Variants in TRRAP observed in about 807,000 individuals in gnomAD.
TRRAP encodes transformation/transcription domain associated protein, also known as transformation/transcription domain-associated protein.
Under a neutral mutation model 438.8 loss-of-function variants are expected in TRRAP, and 41 were observed. The ratio of observed to expected loss-of-function variants is 0.09; its 90% CI spans 0.07 to 0.12. The LOEUF (loss-of-function observed/expected upper bound fraction) is 0.12, where lower values mean the gene tolerates loss of function less well. TRRAP is among the 10% of genes least tolerant of loss of function. TRRAP has a pLI of 1.00. For missense variants in TRRAP, 3,122 were observed against 5,055.1 expected (o/e 0.62, Z 11.60); for synonymous variants, 1,994 against 1,962.9 (o/e 1.02, Z -0.42).
At chr7:98,943,653 G>A (rs1038126334) in intron 31 of TRRAP, among the ~76,000 whole-genome samples, 3 of 152,214 alleles carry the variant, frequency 2.0e-5, no homozygotes, top group South Asian at 2.1e-4. Context: ...GGTCATTAAA[G>A]ACTTTGTCTC....
chr7:98,952,619 G>C (rs1318080704), intron 39 of TRRAP, among the ~76,000 whole-genome samples: 1 of 152,182 alleles, frequency 6.6e-6, no homozygotes, highest in African/African-American at 2.4e-5. Context: ...GATGTGTCCG[G>C]GAGAGACATT....
intron 40 of TRRAP, among the ~76,000 whole-genome samples, chr7:98,954,125 G>T (rs181072214): frequency 2.0e-5 from 3 of 152,126 alleles, no homozygotes; most frequent in African/African-American, 7.2e-5. Context: ...GGTATTGAGC[G>T]CCTCTTCCTG....
chr7:98,958,447 G>A (rs1483474505), intron 44 of TRRAP, among the ~76,000 whole-genome samples: 4 of 152,002 alleles, frequency 2.6e-5, no homozygotes, highest in African/African-American at 4.8e-5. Context: ...TTACAGGCGC[G>A]TGCCACCACA....
chr7:98,949,965 A>G, intron 37 of TRRAP, 99 bp from the exon 38 acceptor site: 3 of 1,573,458 alleles, frequency 1.9e-6, no homozygotes, highest in Non-Finnish European at 2.6e-6. Flanking sequence ...GGTTGTGGAG[A>G]ATGGGCTGTG....
intron 69 of TRRAP, 30 bp from the exon 70 acceptor site, chr7:99,008,347 C>G (rs1450716030): frequency 1.2e-6 from 2 of 1,607,474 alleles, no homozygotes; most frequent in Non-Finnish European, 1.7e-6. Flanking sequence ...TCACCCTCAG[C>G]CTGCCCCGTT....
At chr7:98,886,337 GATAGATATAGATAT>G (rs1554403958) in intron 3 of TRRAP, among the ~76,000 whole-genome samples, 1 of 150,248 alleles carries the variant, frequency 6.7e-6, no homozygotes, top group African/African-American at 2.5e-5. Context: ...GATAGATATA[GATAGATATAGATAT>G]CTATATAGAT....
In TRRAP at chr7:99,012,054, T is replaced by A; in HGVS notation, c.11338-17T>A. On this transcript the variant is annotated splice_polypyrimidine_tract_variant and intron_variant, in intron 72 of 72. Transcript: ENST00000456197. This position sits in a 1 kb window ranked among gnomAD's most constrained non-coding sequence, Gnocchi z 5.9. ...TCTTGGTTAAACACAAGTCGTCTCG[T>A]TCTCTCCCTCACGCAGGTGGATGGC... 2 of 1,610,848 alleles carry A rather than the reference T, an allele frequency of 1.2e-6. No individual in the cohort carries two copies. Among genetic ancestry groups the A allele is most frequent in the Non-Finnish European group, 1.7e-6 (2 of 1,177,354 alleles).
At chr7:98,909,941 G>A (rs1160815157) in intron 14 of TRRAP, 115 bp from the exon 15 acceptor site, 1 of 1,445,290 alleles carries the variant, frequency 6.9e-7, no homozygotes, top group African/African-American at 1.4e-5. Context: ...TAGAAAAGCA[G>A]CATGACTTGA....
In TRRAP at chr7:98,895,042, TCA is replaced by T. The variant is rs1329657130; in HGVS notation, c.451-719_451-718del. Among the ~76,000 whole-genome samples the T allele has an allele frequency of 6.6e-5, 10 of 152,262 alleles. No homozygotes were observed. The East Asian group carries it at 1.5e-3, about 23-fold the overall frequency. The stretch of plus-strand genomic sequence containing the variant: ...TTGATCATGTTAAGTGTAAGCATTT[TCA>T]CAGTCATAAAAAATTCTGTATACAA... On this transcript the variant is annotated intron_variant, in intron 6 of 72. Coordinates refer to ENST00000456197, the MANE Select transcript of TRRAP (RefSeq NM_001375524.1).
intron 39 of TRRAP, 75 bp downstream of exon 39, chr7:98,951,079 G>A: frequency 7.6e-7 from 1 of 1,311,770 alleles, no homozygotes; most frequent in Non-Finnish European, 9.9e-7. Context: ...GTGTGTGTGT[G>A]TGTGTGTGTG....
At chr7:98,990,649 T>C (rs769536219) in intron 64 of TRRAP, 30 bp downstream of exon 64, 1 of 1,585,892 alleles carries the variant, frequency 6.3e-7, no homozygotes, top group Admixed American at 1.7e-5. Context: ...CTTGTTCACG[T>C]GCACAAAACA....
In TRRAP at chr7:98,905,140, G is replaced by A. The variant is rs551115350; in HGVS notation, c.1037-1037G>A. On this transcript the variant is annotated intron_variant, in intron 12 of 72. Coordinates refer to ENST00000456197, the MANE Select transcript of TRRAP (RefSeq NM_001375524.1). Reference sequence around the variant, plus strand: ...CTCCCCAGCCAGTTCTCCATGTCACGGCTGAGCCCTTTGCATCCCTCTGTG... The same window carrying A: ...CTCCCCAGCCAGTTCTCCATGTCACAGCTGAGCCCTTTGCATCCCTCTGTG... Among the ~76,000 whole-genome samples the A allele has an allele frequency of 1.2e-4, 19 of 152,168 alleles. No homozygotes were observed. In the South Asian group the frequency reaches 3.3e-3, roughly 27 times the overall value.
intron 60 of TRRAP, among the ~76,000 whole-genome samples, chr7:98,983,887 A>G (rs933832520): frequency 1.3e-5 from 2 of 152,164 alleles, no homozygotes; most frequent in Non-Finnish European, 2.9e-5. Flanking sequence ...TGATTTGGTT[A>G]GCCAAGATGG....
In TRRAP at chr7:98,984,211, A is replaced by T; in HGVS notation, c.9141A>T (p.Gln3047His). 1 of 1,614,212 alleles carries T rather than the reference A, an allele frequency of 6.2e-7. No homozygotes were observed. The highest frequency in any genetic ancestry group is 8.5e-7 in the Non-Finnish European group (1 of 1,180,026). ...IIQYGKIARK[Q>H]GLVNVALDIL... is the part of the protein sequence containing the mutation. Reference sequence around the variant, plus strand: ...AGTATGGAAAAATCGCCCGGAAACAAGGACTGGTCAATGTAGCTCTGGATA... The same window carrying T: ...AGTATGGAAAAATCGCCCGGAAACATGGACTGGTCAATGTAGCTCTGGATA... Residue 3047 changes from glutamine (Q) to histidine (H), a missense_variant, in exon 61 of 73, where the codon CAA (glutamine) becomes CAT (histidine). This residue lies in a region of TRRAP where 129 missense variants were observed against 279.2 expected (regional missense o/e 0.46). Transcript: ENST00000456197.
At chr7:99,000,859 G>A (rs1258287918) in intron 67 of TRRAP, among the ~76,000 whole-genome samples, 4 of 152,316 alleles carry the variant, frequency 2.6e-5, no homozygotes, top group South Asian at 2.1e-4. Flanking sequence ...GTTCTGGCCC[G>A]GCCCCCTTCT....
At chr7:98,920,557 G>T (rs1554410326) in intron 20 of TRRAP, among the ~76,000 whole-genome samples, 1 of 152,134 alleles carries the variant, frequency 6.6e-6, no homozygotes, top group Non-Finnish European at 1.5e-5. Flanking sequence ...AAAAAATGGG[G>T]GGAAATTTAC....
intron 52 of TRRAP, 47 bp downstream of exon 52, chr7:98,970,338 C>A: frequency 6.3e-7 from 1 of 1,588,770 alleles, no homozygotes; most frequent in Non-Finnish European, 8.5e-7. Context: ...GGAGGTGAGG[C>A]CCCACACCCC....
intron 20 of TRRAP, 94 bp downstream of exon 20, chr7:98,917,773 G>A: frequency 6.8e-7 from 1 of 1,473,424 alleles, no homozygotes; most frequent in Non-Finnish European, 9.1e-7. Context: ...TCTGCAAGAT[G>A]GACCAGTGCA....
intron 5 of TRRAP, 21 bp downstream of exon 5, chr7:98,892,549 C>T: frequency 6.4e-7 from 1 of 1,559,078 alleles, no homozygotes; most frequent in Non-Finnish European, 8.8e-7. Flanking sequence ...AGAATTAATT[C>T]TTGTCGTATA....
Sources: gnomAD v4.1 joint callset for allele counts (sites outside exome capture counted in the v4.1 genomes callset) on GRCh38, gnomAD v4.1.1 for gene constraint, gnomAD v4.1.1 regional missense constraint, Gnocchi (gnomAD v3.1) non-coding constraint, MANE v1.5 for transcripts, NCBI Gene and HGNC (gene_info 2026-07-23, HGNC 2026-07-21) for gene names.